Variants in NKX1-1 observed in about 807,000 individuals in gnomAD.
NKX1-1 encodes NK1 transcription factor-related protein 1.
In NKX1-1, 7 loss-of-function variants were observed where a neutral mutation model predicts 1.7. The ratio of observed to expected loss-of-function variants is 4.22; its 90% CI spans 2.40 to 7.92. The LOEUF (loss-of-function observed/expected upper bound fraction) is 7.92. Ranked by LOEUF, NKX1-1 falls within the 30% of genes most tolerant of loss-of-function variation. The pLI is 0.00. For synonymous variants in NKX1-1, 242 were observed against 85.3 expected (o/e 2.84, Z -10.13); for missense variants, 453 against 171.5 (o/e 2.64, Z -9.17).
In NKX1-1 at chr4:1,406,232, C is replaced by A; in HGVS notation, c.211G>T (p.Ala71Ser). The change falls in exon 1 of 2, where the codon GCC (alanine) becomes TCC (serine). Residue 71 changes from alanine (A) to serine (S), a missense_variant. Physicochemically the swap from Ala to Ser is moderately conservative, Grantham distance 99. Transcript: ENST00000422806. ...GGGCGCAGGGGCGCTGCGGGCCGGG[C>A]CGCTCCAGCCCCCTCGGGCGCCGCA... ...VPAAPEGAGA[A>S]RPAAPLRPTS... 4.0e-6 allele frequency: 2 copies of A among 498,646 alleles called. No homozygotes were observed. The highest frequency in any genetic ancestry group is 2.9e-5 in the South Asian group (1 of 35,016). 30.9% of individuals were successfully genotyped at this position (498,646 alleles called of 1,614,324 possible).
In NKX1-1 at chr4:1,403,814, G is replaced by C. The variant is rs936923790; in HGVS notation, c.465C>G (p.Asn155Lys). Residue 155 changes from asparagine to lysine, a missense_variant and splice_region_variant, in exon 2 of 2, where the codon AAC (asparagine) becomes AAG (lysine). Asn to Lys is a moderately conservative substitution (Grantham distance 94). Coordinates refer to ENST00000422806, the MANE Select transcript of NKX1-1 (RefSeq NM_001290079.1). Reference sequence around the variant, plus strand: ...CCCCTGCCTTGAAGGGGTCGCCGGCGTCTGCGGGAGGGAGGGACAAGGACA... The same window carrying C: ...CCCCTGCCTTGAAGGGGTCGCCGGCCTCTGCGGGAGGGAGGGACAAGGACA... ...GVGAAGAEPPNAGDPFKAGEA... is the reference protein window; with the variant it reads ...GVGAAGAEPPKAGDPFKAGEA... 1.2e-5 allele frequency: 8 copies of C among 666,786 alleles called. No homozygotes were observed. In the African/African-American group the frequency reaches 1.5e-4, roughly 12 times the overall value. The allele number at this position is 666,786 out of a possible 1,614,324, so 41.3% of individuals were successfully genotyped here. A position where few individuals can be genotyped will look rare whatever the true frequency, so the allele number is the denominator to read the frequency against.
In NKX1-1 at chr4:1,406,110, G is replaced by A; in HGVS notation, c.333C>T (p.Cys111=). 5.2e-6 allele frequency: 3 copies of A among 580,924 alleles called. No individual in the cohort carries two copies. Among genetic ancestry groups the A allele is most frequent in the South Asian group, 1.9e-5 (1 of 52,546 alleles). The allele number at this position is 580,924 out of a possible 1,614,324, so 36.0% of individuals were successfully genotyped here. A position where few individuals can be genotyped will look rare whatever the true frequency, so the allele number is the denominator to read the frequency against. Residue 111 remains cysteine, a synonymous_variant, in exon 1 of 2, where the codon TGC becomes TGT. Coordinates refer to ENST00000422806, the MANE Select transcript of NKX1-1 (RefSeq NM_001290079.1). Reference sequence around the variant, plus strand: ...CGCATGGGGCCGAAGCGCAAGGGGCGCACGCAGCGGGAGCCACTGGGCCCA... The same window carrying A: ...CGCATGGGGCCGAAGCGCAAGGGGCACACGCAGCGGGAGCCACTGGGCCCA... ...VLLGPVAPAA[C]APCASAPCAP...
rs1312689379 is a variant in NKX1-1, at chr4:1,403,004, C to T, written c.1275G>A (p.Pro425=). 4.7e-6 allele frequency: 3 copies of T among 641,712 alleles called. No homozygotes were observed. The highest frequency in any genetic ancestry group is 3.9e-4 in the Middle Eastern group (1 of 2,570). The allele number at this position is 641,712 out of a possible 1,614,324, so 39.8% of individuals were successfully genotyped here. A position where few individuals can be genotyped will look rare whatever the true frequency, so the allele number is the denominator to read the frequency against. The change falls in exon 2 of 2, where the codon CCG becomes CCA. Residue 425 remains proline, a synonymous_variant. Coordinates refer to ENST00000422806, the MANE Select transcript of NKX1-1 (RefSeq NM_001290079.1). ...CAAQLPFLSS[P]AVLSPFVLGS... Reference sequence around the variant, plus strand: ...CCAGCACGAAGGGCGAGAGCACCGCCGGGCTCGACAGGAACGGCAGCTGCG... The same window carrying T: ...CCAGCACGAAGGGCGAGAGCACCGCTGGGCTCGACAGGAACGGCAGCTGCG...
At position 1,404,067 on chromosome 4, in the gene NKX1-1, C is replaced by T. The variant is rs546707485; in HGVS notation, c.464-252G>A. Among the ~76,000 whole-genome samples the T allele has an allele frequency of 2.1e-3, 313 of 152,308 alleles. 5 individuals carry two copies. The highest frequency in any genetic ancestry group is 7.4e-3 in the African/African-American group (306 of 41,572). On this transcript the variant is annotated intron_variant, in intron 1 of 1. Coordinates refer to ENST00000422806, the MANE Select transcript of NKX1-1 (RefSeq NM_001290079.1). ...GTTTCTTTCTATGGAGAGGGTCCCC[C>T]TCGCCCCGCGCTGCCCGTTCTCGCG...
In NKX1-1 at chr4:1,406,011, C is replaced by T. The variant is rs1025455133; in HGVS notation, c.432G>A (p.Gly144=). The T allele has an allele frequency of 1.9e-5, 9 of 477,222 alleles. No individual in the cohort carries two copies. The highest frequency in any genetic ancestry group is 1.2e-4 in the African/African-American group (6 of 49,022). The allele number at this position is 477,222 out of a possible 1,614,324, so 29.6% of individuals were successfully genotyped here. ...GCTCAGCTCCGGCGGCTCCGACTCC[C>T]CCGGCGCCGGCGAGGGCGCGGCGCT... ...ELERRALAGA[G]GVGAAGAEPP... The change falls in exon 1 of 2, where the codon GGG becomes GGA. Residue 144 remains glycine, a synonymous_variant. Transcript: ENST00000422806.
chr4:1,404,577 G>A (rs893535833), intron 1 of NKX1-1, among the ~76,000 whole-genome samples: 2 of 152,304 alleles, frequency 1.3e-5, no homozygotes, highest in East Asian at 3.9e-4. Flanking sequence ...CCGGTCGGCC[G>A]AGTCTGAACA....
chr4:1,403,060 C>T lies in NKX1-1; in HGVS notation c.1219G>A (p.Ala407Thr), dbSNP rs1267051701. 7 of 510,666 alleles carry T rather than the reference C, an allele frequency of 1.4e-5. No individual in the cohort carries two copies. Among genetic ancestry groups the T allele is most frequent in the African/African-American group, 1.0e-4 (5 of 49,002 alleles). 31.6% of individuals were successfully genotyped at this position (510,666 alleles called of 1,614,324 possible). The change falls in exon 2 of 2, where the codon GCG (alanine) becomes ACG (threonine). Residue 407 changes from alanine (A) to threonine (T), a missense_variant. Ala to Thr is a moderately conservative substitution (Grantham distance 58, BLOSUM62 0). Coordinates refer to ENST00000422806, the MANE Select transcript of NKX1-1 (RefSeq NM_001290079.1). Reference sequence around the variant, plus strand: ...CACACCAGGCCTCCGGGGCCGTGCGCCGGGTACCCGGCCGGGCCGTGCATG... The same window carrying T: ...CACACCAGGCCTCCGGGGCCGTGCGTCGGGTACCCGGCCGGGCCGTGCATG... Reference protein sequence around the residue: ...LGMHGPAGYPAHGPGGLVCAA... With the variant: ...LGMHGPAGYPTHGPGGLVCAA...
At chr4:1,404,371 G>T (rs1198214985) in intron 1 of NKX1-1, among the ~76,000 whole-genome samples, 3 of 152,220 alleles carry the variant, frequency 2.0e-5, no homozygotes, top group Non-Finnish European at 4.4e-5. Context: ...GGGCTTGGGG[G>T]ACCCAAATCC....
In NKX1-1 at chr4:1,406,286, G is replaced by A; in HGVS notation, c.157C>T (p.Pro53Ser). Residue 53 changes from proline to serine, a missense_variant, in exon 1 of 2, where the codon CCG becomes TCG. Physicochemically the swap from Pro to Ser is moderately conservative, Grantham distance 74 (BLOSUM62 -1). Coordinates refer to ENST00000422806, the MANE Select transcript of NKX1-1 (RefSeq NM_001290079.1). ...ACAGTGTCGCTGGCCGCGAGCGGCG[G>A]GGCTCCAGCGCGGGGAAAGGCCGGC... ...ELPAFPRAGA[P>S]PLAASDTVPA... The A allele has an allele frequency of 2.5e-6, 1 of 407,970 alleles. No individual in the cohort carries two copies. Among genetic ancestry groups the A allele is most frequent in the Non-Finnish European group, 4.3e-6 (1 of 234,024 alleles). The allele number at this position is 407,970 out of a possible 1,614,324, so 25.3% of individuals were successfully genotyped here. A position where few individuals can be genotyped will look rare whatever the true frequency, so the allele number is the denominator to read the frequency against.
At chr4:1,404,366 T>C (rs1256456551) in intron 1 of NKX1-1, among the ~76,000 whole-genome samples, 1 of 152,178 alleles carries the variant, frequency 6.6e-6, no homozygotes. Context: ...GAATGGGGCT[T>C]GGGGGACCCA....
Position 1,403,621 on chromosome 4 carries a change from G to GGCC in NKX1-1, c.655_657dup (p.Gly219dup), listed in dbSNP as rs1720697257. 1 of 502,372 alleles carries GGCC rather than the reference G, an allele frequency of 2.0e-6. No individual in the cohort carries two copies. Among genetic ancestry groups the GGCC allele is most frequent in the Non-Finnish European group, 3.4e-6 (1 of 291,260 alleles). 31.1% of individuals were successfully genotyped at this position (502,372 alleles called of 1,614,324 possible). ...TGGCAACCCGACCCGCGGGCCCCGA[G>GGCC]GCCGCCGCCGCCTCCCCGCGCCTCC... On this transcript the variant is annotated inframe_insertion, in exon 2 of 2. Transcript: ENST00000422806.
Position 1,406,368 on chromosome 4 carries a change from G to A in NKX1-1, c.75C>T (p.Pro25=), listed in dbSNP as rs1354523920. 3 of 366,624 alleles carry A rather than the reference G, an allele frequency of 8.2e-6. No individual in the cohort carries two copies. The highest frequency in any genetic ancestry group is 7.0e-4 in the Middle Eastern group (1 of 1,420). 22.7% of individuals were successfully genotyped at this position (366,624 alleles called of 1,614,324 possible). ...LPPPPQPGSG[P]APPAPAAAAQ... The stretch of plus-strand genomic sequence containing the variant: ...CAGCGGCGGCGGGAGCGGGCGGTGC[G>A]GGCCCCGAACCTGGCTGGGGAGGCG... The change falls in exon 1 of 2, where the codon CCC becomes CCT. Residue 25 remains proline (P), a synonymous_variant. Coordinates refer to ENST00000422806, the MANE Select transcript of NKX1-1 (RefSeq NM_001290079.1).
chr4:1,405,936 G>C, intron 1 of NKX1-1, 44 bp downstream of exon 1: 1 of 441,636 alleles, frequency 2.3e-6, no homozygotes, highest in South Asian at 5.5e-5. Flanking sequence ...AGAAGCCTCC[G>C]GTCCCCCGTC....
chr4:1,405,760 C>A (rs1720738560), intron 1 of NKX1-1, among the ~76,000 whole-genome samples: 1 of 152,224 alleles, frequency 6.6e-6, no homozygotes, highest in Admixed American at 6.5e-5. Flanking sequence ...CTGGGCCTGA[C>A]CCGGCTAAGC....
chr4:1,403,262 C>A lies in NKX1-1; in HGVS notation c.1017G>T (p.Gln339His). Residue 339 changes from glutamine (Q) to histidine (H), a missense_variant, in exon 2 of 2, where the codon CAG becomes CAT. Physicochemically the swap from Gln to His is conservative, Grantham distance 24. Transcript: ENST00000422806. The part of the protein sequence containing the change: ...LALSLSLTET[Q>H]VKIWFQNRRT... Reference sequence around the variant, plus strand: ...GGCGGTTCTGGAACCAGATCTTCACCTGCGTCTCGGTGAGGCTGAGCGACA... The same window carrying A: ...GGCGGTTCTGGAACCAGATCTTCACATGCGTCTCGGTGAGGCTGAGCGACA... 1.4e-6 allele frequency: 1 copy of A among 737,594 alleles called. No individual in the cohort carries two copies. Among genetic ancestry groups the A allele is most frequent in the East Asian group, 2.7e-5 (1 of 36,996 alleles). The allele number at this position is 737,594 out of a possible 1,614,324, so 45.7% of individuals were successfully genotyped here. A position where few individuals can be genotyped will look rare whatever the true frequency, so the allele number is the denominator to read the frequency against.
intron 1 of NKX1-1, 96 bp downstream of exon 1, chr4:1,405,884 C>A (rs1720740884): frequency 7.4e-6 from 3 of 405,006 alleles, no homozygotes. Flanking sequence ...TCGGCGTGGG[C>A]CAGACCCAAC....
chr4:1,403,445 C>G lies in NKX1-1; in HGVS notation c.834G>C (p.Thr278=), dbSNP rs1014731840. Residue 278 remains threonine (T), a synonymous_variant, in exon 2 of 2, where the codon ACG becomes ACC. Transcript: ENST00000422806. The part of the protein sequence containing the change: ...GAGTTPQGTA[T]AAKPKRKRTG... The stretch of plus-strand genomic sequence containing the variant: ...TGCGCTTCCGCTTGGGCTTCGCCGC[C>G]GTCGCCGTGCCCTGCGGGGTGGTCC... 3.1e-6 allele frequency: 2 copies of G among 636,218 alleles called. No homozygotes were observed. Among genetic ancestry groups the G allele is most frequent in the Non-Finnish European group, 5.7e-6 (2 of 353,538 alleles). The allele number at this position is 636,218 out of a possible 1,614,324, so 39.4% of individuals were successfully genotyped here.
At chr4:1,405,003 G>C (rs1027602416) in intron 1 of NKX1-1, among the ~76,000 whole-genome samples, 3 of 152,220 alleles carry the variant, frequency 2.0e-5, no homozygotes, top group Non-Finnish European at 1.5e-5. Flanking sequence ...CGGCTTCAGC[G>C]GGATCCCGGC....
Position 1,405,660 on chromosome 4 carries a change from G to A in NKX1-1, c.463+320C>T, listed in dbSNP as rs113289381. ...GGGGAGGTCACGGGCCAGCCACCGC[G>A]AGCGGCCCCTCGCCTCCTGCACCAA... On this transcript the variant is annotated intron_variant, in intron 1 of 1. Transcript: ENST00000422806. Among the ~76,000 whole-genome samples, 218 of 152,328 alleles carry A rather than the reference G, an allele frequency of 1.4e-3. 2 individuals are homozygous for A. The highest frequency in any genetic ancestry group is 4.6e-3 in the African/African-American group (191 of 41,578).
Sources: gnomAD v4.1 joint callset for allele counts (sites outside exome capture counted in the v4.1 genomes callset) on GRCh38, gnomAD v4.1.1 for gene constraint, MANE v1.5 for transcripts, NCBI Gene and HGNC (gene_info 2026-07-23, HGNC 2026-07-21) for gene names.